HOGA1: variants seen among roughly 807,000 people sequenced by gnomAD.
HOGA1 encodes the protein 4-hydroxy-2-oxoglutarate aldolase, mitochondrial.
A neutral mutation model predicts 34.3 loss-of-function variants in HOGA1; 30 were observed. That is an observed-to-expected ratio of 0.87 (90% CI 0.65 to 1.19). HOGA1 has a LOEUF of 1.19. HOGA1 is among the 50% of genes most tolerant of loss of function. The probability of loss-of-function intolerance (pLI) is 0.00; values close to 1 mark genes in which losing one functional copy is unlikely to be tolerated. For missense variants in HOGA1, 417 were observed against 436.5 expected, an observed-to-expected ratio of 0.96 and a Z score of 0.40; for synonymous variants, 161 against 174.0, an observed-to-expected ratio of 0.93 and a Z score of 0.59.
At chr10:97,587,595 C>T (rs186876873) in intron 1 of HOGA1, among the ~76,000 whole-genome samples, 1 of 152,030 alleles carries the variant, frequency 6.6e-6, no homozygotes, top group Admixed American at 6.6e-5. Context: ...GAAACCTCCG[C>T]TTCCTGGGTT....
chr10:97,595,738 C>G (rs952903735), intron 1 of HOGA1, among the ~76,000 whole-genome samples: 2 of 152,134 alleles, frequency 1.3e-5, no homozygotes, highest in African/African-American at 4.8e-5. Flanking sequence ...CTAATATCAT[C>G]ACTATTTTTT....
rs1358792617 is a variant in HOGA1, at chr10:97,599,540, G to C, written c.469-140G>C. On this transcript the variant is annotated intron_variant, in intron 3 of 6. Transcript: ENST00000370646. ...TGACCCACTGTGATTGCTTACACTC[G>C]GGGCACGTAGCATGGGAGGGAGGCC... The C allele has an allele frequency of 6.0e-5, 64 of 1,070,374 alleles. No homozygotes were observed. In the South Asian group the frequency reaches 7.9e-4, roughly 13 times the overall value. 66.3% of individuals were successfully genotyped at this position (1,070,374 alleles called of 1,614,324 possible).
intron 1 of HOGA1, among the ~76,000 whole-genome samples, chr10:97,594,990 G>A (rs528224765): frequency 6.6e-6 from 1 of 152,320 alleles, no homozygotes; most frequent in East Asian, 1.9e-4. Flanking sequence ...CTTCTCAGAG[G>A]AGGTGGCAAT....
Position 97,584,404 on chromosome 10 carries a change from T to C in HOGA1, c.-300T>C, listed in dbSNP as rs1304239321. Reference sequence around the variant, plus strand: ...AGGAGGGCCCAGATCCCACTGGAGATACCGAAGGAGATACTCTTTAGTATT... The same window carrying C: ...AGGAGGGCCCAGATCCCACTGGAGACACCGAAGGAGATACTCTTTAGTATT... On this transcript the variant is annotated 5_prime_UTR_variant, in exon 1 of 7. Coordinates refer to ENST00000370646, the MANE Select transcript of HOGA1 (RefSeq NM_138413.4). 5.9e-6 allele frequency: 2 copies of C among 336,506 alleles called. No homozygotes were observed. The highest frequency in any genetic ancestry group is 1.1e-5 in the Non-Finnish European group (2 of 185,434). The allele number at this position is 336,506 out of a possible 1,614,324, so 20.8% of individuals were successfully genotyped here.
intron 1 of HOGA1, among the ~76,000 whole-genome samples, chr10:97,587,796 G>A (rs945084634): frequency 8.8e-5 from 13 of 148,164 alleles, no homozygotes; most frequent in African/African-American, 2.8e-4. Context: ...GTGAGCCACC[G>A]CGCTGGGCCT....
chr10:97,604,698 T>C (rs995597868), intron 6 of HOGA1, among the ~76,000 whole-genome samples: 1 of 151,048 alleles, frequency 6.6e-6, no homozygotes, highest in Non-Finnish European at 1.5e-5. Context: ...AAAGCTGCCA[T>C]GGGAAGGGAG....
intron 6 of HOGA1, among the ~76,000 whole-genome samples, chr10:97,605,440 C>G (rs2041150590): frequency 6.6e-6 from 1 of 150,398 alleles, no homozygotes; most frequent in Non-Finnish European, 1.5e-5. Context: ...CCAAAACAAA[C>G]AAAAAACAAA....
intron 1 of HOGA1, among the ~76,000 whole-genome samples, chr10:97,597,276 TC>T (rs1751987504): frequency 6.6e-6 from 1 of 152,066 alleles, no homozygotes; most frequent in Non-Finnish European, 1.5e-5. Flanking sequence ...ACTTCTGGCC[TC>T]AAGTGATCCC....
chr10:97,590,318 C>T, intron 1 of HOGA1: 1 of 1,613,894 alleles, frequency 6.2e-7, no homozygotes, highest in South Asian at 1.1e-5. Context: ...GGGGCGGCAC[C>T]TGGCTCACTC....
chr10:97,591,955 C>T (rs1052518392), intron 1 of HOGA1, among the ~76,000 whole-genome samples: 1 of 151,418 alleles, frequency 6.6e-6, no homozygotes, highest in Non-Finnish European at 1.5e-5. Flanking sequence ...TCTCATGCCT[C>T]AGCCTCCCGA....
Position 97,599,744 on chromosome 10 carries a change from T to A in HOGA1, c.533T>A (p.Leu178Gln), listed in dbSNP as rs796052090. The change falls in exon 4 of 7, where the codon CTG becomes CAG. Residue 178 changes from leucine (L) to glutamine (Q), a missense_variant. Transcript: ENST00000370646. ...GTCCCAGCCAACACAGGGCTGGACC[T>A]GCCTGTGGATGCAGTGGTCACGCTT... Reference protein sequence around the residue: ...YSVPANTGLDLPVDAVVTLSQ... With the variant: ...YSVPANTGLDQPVDAVVTLSQ... 39 of 1,614,072 alleles carry A rather than the reference T, an allele frequency of 2.4e-5. No homozygotes were observed. Among genetic ancestry groups the A allele is most frequent in the Non-Finnish European group, 3.3e-5 (39 of 1,180,024 alleles).
In HOGA1 at chr10:97,590,902, G is replaced by A. The variant is rs143576124; in HGVS notation, c.211+5988G>A. On this transcript the variant is annotated intron_variant, in intron 1 of 6. Coordinates refer to ENST00000370646, the MANE Select transcript of HOGA1 (RefSeq NM_138413.4). ...GAGCCCCACACTGATGTCATTGCCT[G>A]GAACGGAGCCAATAAAGCTTTGTGT... 304 of 340,394 alleles carry A rather than the reference G, an allele frequency of 8.9e-4. 1 individual carries two copies. The highest frequency in any genetic ancestry group is 5.9e-3 in the African/African-American group (282 of 47,554). 21.1% of individuals were successfully genotyped at this position (340,394 alleles called of 1,614,324 possible).
intron 1 of HOGA1, among the ~76,000 whole-genome samples, chr10:97,586,348 CA>C (rs2040971456): frequency 6.6e-6 from 1 of 152,166 alleles, no homozygotes; most frequent in South Asian, 2.1e-4. Context: ...ATTAAAATGA[CA>C]GTGTGATTGG....
chr10:97,590,613 C>T (rs1589903117), intron 1 of HOGA1: 2 of 1,578,218 alleles, frequency 1.3e-6, no homozygotes, highest in Non-Finnish European at 1.7e-6. Context: ...ATGGAGACGC[C>T]CCTGCCCCCA....
At chr10:97,611,213 C>T (rs1253062709) in intron 6 of HOGA1, among the ~76,000 whole-genome samples, 1 of 152,220 alleles carries the variant, frequency 6.6e-6, no homozygotes, top group African/African-American at 2.4e-5. Flanking sequence ...TGTCTTCTCC[C>T]ACCCCAGCTT....
chr10:97,606,182 T>C (rs1207745214), intron 6 of HOGA1, among the ~76,000 whole-genome samples: 1 of 146,268 alleles, frequency 6.8e-6, no homozygotes, highest in Non-Finnish European at 1.5e-5. Context: ...GTGCCTGTAA[T>C]CCCAGCTCCT....
At chr10:97,588,371 G>T (rs12780690) in intron 1 of HOGA1, among the ~76,000 whole-genome samples, 68,957 of 124,252 alleles carry the variant, frequency 0.55, 15,755 homozygotes, top group Non-Finnish European at 0.6. Context: ...CTAATTTTTT[G>T]TGTGTGTGTG....
At chr10:97,591,715 C>T (rs986865779) in intron 1 of HOGA1, among the ~76,000 whole-genome samples, 3 of 151,924 alleles carry the variant, frequency 2.0e-5, no homozygotes, top group Non-Finnish European at 4.4e-5. Context: ...ACCTCTGCCT[C>T]TTGGGTTCGA....
chr10:97,599,509 T>A (rs1200702342), intron 3 of HOGA1, 171 bp from the exon 4 acceptor site: 1 of 879,940 alleles, frequency 1.1e-6, no homozygotes, highest in Non-Finnish European at 1.9e-6. Flanking sequence ...AAGCACTCCA[T>A]AAATATGACC....
Sources: gnomAD v4.1 joint callset for allele counts (sites outside exome capture counted in the v4.1 genomes callset) on GRCh38, gnomAD v4.1.1 for gene constraint, MANE v1.5 for transcripts, NCBI Gene and HGNC (gene_info 2026-07-23, HGNC 2026-07-21) for gene names.